Variants in AFG1L observed in about 807,000 individuals in gnomAD.
AFG1L encodes the protein AFG1 like ATPase, also known as AFG1-like ATPase.
A neutral mutation model predicts 62.2 loss-of-function variants in AFG1L; 53 were observed. The ratio of observed to expected loss-of-function variants is 0.85; its 90% CI spans 0.68 to 1.07. The LOEUF (loss-of-function observed/expected upper bound fraction) is 1.07. Ranked by LOEUF, AFG1L falls within the 50% of genes least tolerant of loss-of-function variation. The pLI is 0.00. For missense variants in AFG1L, 555 were observed against 590.5 expected (o/e 0.94, Z 0.62); for synonymous variants, 228 against 210.3 (o/e 1.08, Z -0.73).
intron 10 of AFG1L, among the ~76,000 whole-genome samples, chr6:108,478,453 A>T (rs1773211661): frequency 6.6e-6 from 1 of 152,232 alleles, no homozygotes; most frequent in Non-Finnish European, 1.5e-5. Context: ...GCAATTATTT[A>T]GCACTTCAGA....
chr6:108,500,044 A>G (rs1188521407), intron 10 of AFG1L, among the ~76,000 whole-genome samples: 1 of 152,094 alleles, frequency 6.6e-6, no homozygotes, highest in East Asian at 1.9e-4. Flanking sequence ...AAGTGAGAAC[A>G]TGCAGTATTT....
intron 6 of AFG1L, among the ~76,000 whole-genome samples, chr6:108,390,456 AT>A (rs1372491118): frequency 2.0e-5 from 3 of 151,894 alleles, no homozygotes; most frequent in Non-Finnish European, 4.4e-5. Context: ...GATTTTTAGA[AT>A]TTTCAGCTTT....
At chr6:108,338,694 T>C (rs1778561858) in intron 2 of AFG1L, among the ~76,000 whole-genome samples, 1 of 152,192 alleles carries the variant, frequency 6.6e-6, no homozygotes, top group East Asian at 1.9e-4. Flanking sequence ...AACACGTGGC[T>C]TCTTTTAAAA....
At chr6:108,484,855 G>A (rs564817310) in intron 10 of AFG1L, among the ~76,000 whole-genome samples, 38 of 152,214 alleles carry the variant, frequency 2.5e-4, no homozygotes, top group Non-Finnish European at 4.6e-4. Context: ...TGGACTGAGG[G>A]ATCCATTTTT....
chr6:108,370,427 A>C (rs1582456233), intron 6 of AFG1L, among the ~76,000 whole-genome samples: 1 of 152,098 alleles, frequency 6.6e-6, no homozygotes, highest in African/African-American at 2.4e-5. Flanking sequence ...TCTTTTGCTC[A>C]CTAGGGAATA....
chr6:108,376,517 G>A (rs563267251), intron 6 of AFG1L, among the ~76,000 whole-genome samples: 1 of 151,972 alleles, frequency 6.6e-6, no homozygotes, highest in Admixed American at 6.6e-5. Flanking sequence ...TGATTTTATT[G>A]TTTACCCCAA....
chr6:108,389,728 A>G (rs1440343558), intron 6 of AFG1L, among the ~76,000 whole-genome samples: 11 of 152,120 alleles, frequency 7.2e-5, no homozygotes, highest in Admixed American at 2.0e-4. Flanking sequence ...TGGCTTGTAG[A>G]ATTTCTGCCG....
At chr6:108,325,585 A>G (rs1029107740) in intron 2 of AFG1L, among the ~76,000 whole-genome samples, 14 of 152,084 alleles carry the variant, frequency 9.2e-5, no homozygotes, top group Admixed American at 8.5e-4. Flanking sequence ...TCCCAGGTTC[A>G]AGCAGTCCTC....
chr6:108,311,334 A>G (rs535640157), intron 1 of AFG1L, among the ~76,000 whole-genome samples: 4 of 152,102 alleles, frequency 2.6e-5, no homozygotes, highest in Middle Eastern at 3.4e-3. Context: ...TCTGATCTCA[A>G]TGGAAACATC....
At chr6:108,479,654 T>A (rs550259326) in intron 10 of AFG1L, among the ~76,000 whole-genome samples, 9 of 152,316 alleles carry the variant, frequency 5.9e-5, no homozygotes, top group African/African-American at 2.2e-4. Flanking sequence ...ACAATTGAAA[T>A]CCCTCAACTT....
At chr6:108,460,128 T>C (rs1248681905) in intron 8 of AFG1L, among the ~76,000 whole-genome samples, 2 of 152,110 alleles carry the variant, frequency 1.3e-5, no homozygotes, top group Non-Finnish European at 2.9e-5. Context: ...TTCATGACAT[T>C]GAGGAATTAT....
chr6:108,408,664 A>G (rs1562141088), intron 7 of AFG1L, among the ~76,000 whole-genome samples: 1 of 152,010 alleles, frequency 6.6e-6, no homozygotes. Flanking sequence ...TTTGCTACCT[A>G]TTACGTAATG....
chr6:108,485,831 C>T (rs1773553160), intron 10 of AFG1L, among the ~76,000 whole-genome samples: 1 of 149,654 alleles, frequency 6.7e-6, no homozygotes, highest in Non-Finnish European at 1.5e-5. Context: ...ACCACCATGC[C>T]CAACTGATTT....
At chr6:108,485,657 T>TATATATATATATATATATA (rs869070532) in intron 10 of AFG1L, among the ~76,000 whole-genome samples, 13 of 12,622 alleles carry the variant, frequency 1.0e-3, no homozygotes, top group Admixed American at 1.7e-3. Flanking sequence ...TATATATATA[T>TATATATATATATATATATA]TTTTTTTTTT....
intron 10 of AFG1L, among the ~76,000 whole-genome samples, chr6:108,505,859 G>A (rs570135928): frequency 2.0e-5 from 3 of 152,178 alleles, no homozygotes; most frequent in Non-Finnish European, 4.4e-5. Context: ...TAACCTAGGT[G>A]CATTTAAAGT....
At chr6:108,444,300 AT>A (rs1235197248) in intron 7 of AFG1L, among the ~76,000 whole-genome samples, 3 of 152,168 alleles carry the variant, frequency 2.0e-5, no homozygotes, top group Non-Finnish European at 4.4e-5. Flanking sequence ...AAAATACTTT[AT>A]TGCTAAAAAT....
intron 8 of AFG1L, among the ~76,000 whole-genome samples, 191 bp downstream of exon 8, chr6:108,447,487 T>TGA (rs1446889191): frequency 6.6e-6 from 1 of 152,210 alleles, no homozygotes; most frequent in African/African-American, 2.4e-5. Flanking sequence ...TTATAATGTG[T>TGA]GATTGGACAA....
In AFG1L at chr6:108,522,379, T is replaced by A. The variant is rs1453971659; in HGVS notation, c.1400T>A (p.Met467Lys). ...FQRTISRLTE[M>K]QTEQYWNEGD... ...CGCACAATTTCCCGACTCACGGAAA[T>A]GCAGACTGAACAGTACTGGAATGAA... Residue 467 changes from methionine to lysine, a missense_variant, in exon 13 of 13, where the codon ATG becomes AAG. Transcript: ENST00000368977. 1 of 1,614,076 alleles carries A rather than the reference T, an allele frequency of 6.2e-7. No individual in the cohort carries two copies. Among genetic ancestry groups the A allele is most frequent in the South Asian group, 1.1e-5 (1 of 91,078 alleles).
chr6:108,449,172 TA>T (rs1771945306), intron 8 of AFG1L, among the ~76,000 whole-genome samples: 1 of 151,036 alleles, frequency 6.6e-6, no homozygotes, highest in Admixed American at 6.6e-5. Flanking sequence ...TATATATATA[TA>T]TATAAGTGTA....
Sources: gnomAD v4.1 joint callset for allele counts (sites outside exome capture counted in the v4.1 genomes callset) on GRCh38, gnomAD v4.1.1 for gene constraint, MANE v1.5 for transcripts, NCBI Gene and HGNC (gene_info 2026-07-23, HGNC 2026-07-21) for gene names.